DOCK1: variants seen among roughly 807,000 people sequenced by gnomAD.
DOCK1 encodes the protein dedicator of cytokinesis protein 1.
A neutral mutation model predicts 262.7 loss-of-function variants in DOCK1; 138 were observed. That is an observed-to-expected ratio of 0.53 (90% CI 0.46 to 0.61). The LOEUF is 0.61. DOCK1 is among the 20% of genes least tolerant of loss of function. The pLI is 0.00. For synonymous variants in DOCK1, 866 were observed against 867.4 expected (o/e 1.00, Z 0.03); for missense variants, 1,908 against 2,370.7 (o/e 0.80, Z 4.05).
intron 25 of DOCK1, among the ~76,000 whole-genome samples, chr10:127,114,928 T>C (rs2049088572): frequency 6.6e-6 from 1 of 152,120 alleles, no homozygotes; most frequent in Non-Finnish European, 1.5e-5. Context: ...AGCTAATTTT[T>C]GTATTTTCAG....
At chr10:127,319,432 G>T (rs185757087) in intron 29 of DOCK1, among the ~76,000 whole-genome samples, 1 of 152,082 alleles carries the variant, frequency 6.6e-6, no homozygotes, top group Non-Finnish European at 1.5e-5. Context: ...TGTGTTCGGC[G>T]GGCGGGAGCT....
intron 27 of DOCK1, among the ~76,000 whole-genome samples, chr10:127,184,250 T>G (rs908896024): frequency 1.3e-5 from 2 of 152,158 alleles, no homozygotes; most frequent in Non-Finnish European, 2.9e-5. Flanking sequence ...ACTTAGTAGA[T>G]TCTGTCAGTA....
At chr10:127,358,651 T>C (rs1053492892) in intron 32 of DOCK1, among the ~76,000 whole-genome samples, 3 of 152,222 alleles carry the variant, frequency 2.0e-5, no homozygotes, top group Admixed American at 6.5e-5. Context: ...ATTCCCTTCA[T>C]GGGTGTTTTT....
chr10:127,112,805 G>A (rs1325264573), intron 25 of DOCK1, among the ~76,000 whole-genome samples: 1 of 152,298 alleles, frequency 6.6e-6, no homozygotes, highest in African/African-American at 2.4e-5. Flanking sequence ...CAGCTCAAAT[G>A]TACTTCTAAA....
At chr10:127,032,466 TCAA>T in intron 18 of DOCK1, 146 bp downstream of exon 18, 1 of 827,888 alleles carries the variant, frequency 1.2e-6, no homozygotes, top group Non-Finnish European at 1.8e-6. Flanking sequence ...TGATGATTTA[TCAA>T]TGCATAGAAG....
chr10:127,351,491 G>A (rs1367212916), intron 31 of DOCK1, among the ~76,000 whole-genome samples: 1 of 152,178 alleles, frequency 6.6e-6, no homozygotes, highest in Non-Finnish European at 1.5e-5. Context: ...CTGTCCTGGG[G>A]GTGCGTGCTG....
chr10:127,161,570 G>A (rs2053597264), intron 27 of DOCK1, among the ~76,000 whole-genome samples: 1 of 152,202 alleles, frequency 6.6e-6, no homozygotes, highest in Non-Finnish European at 1.5e-5. Context: ...AGGCTGTTTG[G>A]AGTACTGCCT....
intron 1 of DOCK1, among the ~76,000 whole-genome samples, chr10:126,909,549 G>C (rs1295795082): frequency 1.3e-5 from 2 of 152,174 alleles, no homozygotes; most frequent in East Asian, 3.9e-4. Flanking sequence ...TTCATTGAAG[G>C]TAGTGAACCC....
chr10:127,280,057 C>T (rs1231937106), intron 29 of DOCK1, among the ~76,000 whole-genome samples: 14 of 108,414 alleles, frequency 1.3e-4, no homozygotes, highest in African/African-American at 4.0e-4. Flanking sequence ...TTTTTTGAGA[C>T]GGAGTCTCGC....
intron 29 of DOCK1, among the ~76,000 whole-genome samples, chr10:127,319,635 G>A (rs963848134): frequency 4.6e-5 from 7 of 152,280 alleles, no homozygotes; most frequent in South Asian, 2.1e-4. Flanking sequence ...TGGTGAATAC[G>A]ATTTACTAGA....
chr10:127,245,744 A>G (rs2059412553), intron 27 of DOCK1, among the ~76,000 whole-genome samples: 9 of 152,184 alleles, frequency 5.9e-5, no homozygotes, highest in Admixed American at 5.9e-4. Context: ...CTCTGTGCTC[A>G]TACCCTCAGC....
chr10:127,362,723 G>A (rs1412625363), intron 33 of DOCK1, among the ~76,000 whole-genome samples: 1 of 152,100 alleles, frequency 6.6e-6, no homozygotes, highest in Admixed American at 6.5e-5. Flanking sequence ...ACAGCATGAG[G>A]GACAAACTCT....
At chr10:126,917,291 G>A (rs2032613715) in intron 1 of DOCK1, among the ~76,000 whole-genome samples, 4 of 152,218 alleles carry the variant, frequency 2.6e-5, no homozygotes, top group Non-Finnish European at 5.9e-5. Flanking sequence ...TTGGGTTTGG[G>A]AACTTTGTGG....
chr10:127,147,003 C>T (rs2051929243), intron 27 of DOCK1, among the ~76,000 whole-genome samples: 1 of 152,208 alleles, frequency 6.6e-6, no homozygotes, highest in Non-Finnish European at 1.5e-5. Context: ...ATCTAGAACT[C>T]TTTGCACCCT....
Position 127,270,314 on chromosome 10 carries a change from G to C in DOCK1, c.3044+12885G>C, listed in dbSNP as rs7077088. Among the ~76,000 whole-genome samples the C allele has an allele frequency of 2.0e-5, 3 of 152,318 alleles. No individual in the cohort carries two copies. In the South Asian group the frequency reaches 6.2e-4, roughly 32 times the overall value. ...CACCCCCATCAAGGTGTAACTCAGCGAGAATTCCTTACTGTGCAGAGCCCT... is the reference window on the plus strand; with the variant it reads ...CACCCCCATCAAGGTGTAACTCAGCCAGAATTCCTTACTGTGCAGAGCCCT... On this transcript the variant is annotated intron_variant, in intron 29 of 51. Coordinates refer to ENST00000623213, the MANE Select transcript of DOCK1 (RefSeq NM_001290223.2).
Position 127,264,861 on chromosome 10 carries a change from G to A in DOCK1, c.3044+7432G>A, listed in dbSNP as rs116215787. ...GGGTTTATTTTCTTGGAGAGATGGGGTTTCGCCATATGGCGCAGGCTGGTC... is the reference window on the plus strand; with the variant it reads ...GGGTTTATTTTCTTGGAGAGATGGGATTTCGCCATATGGCGCAGGCTGGTC... On this transcript the variant is annotated intron_variant, in intron 29 of 51. Coordinates refer to ENST00000623213, the MANE Select transcript of DOCK1 (RefSeq NM_001290223.2). 6.0e-3 allele frequency among the ~76,000 whole-genome samples: 916 copies of A among 152,242 alleles called. 9 individuals carry two copies. Among genetic ancestry groups the A allele is most frequent in the African/African-American group, 0.021 (879 of 41,544 alleles).
chr10:127,385,988 T>C (rs7089942), intron 38 of DOCK1, among the ~76,000 whole-genome samples: 114,729 of 152,006 alleles, frequency 0.75, 43,490 homozygotes, highest in African/African-American at 0.84. Context: ...TTCAGAAATA[T>C]CAGGGGTTAG....
At chr10:126,991,190 T>TG (rs1448199024) in intron 6 of DOCK1, among the ~76,000 whole-genome samples, 3 of 152,194 alleles carry the variant, frequency 2.0e-5, no homozygotes, top group Non-Finnish European at 2.9e-5. Flanking sequence ...CAGCTCTGCA[T>TG]GAGTGCCTTT....
chr10:127,154,681 T>C (rs1025156379), intron 27 of DOCK1, among the ~76,000 whole-genome samples: 12 of 152,248 alleles, frequency 7.9e-5, no homozygotes, highest in Admixed American at 3.9e-4. Flanking sequence ...TCCCTGGCTT[T>C]ATTCTCTGGT....
Sources: gnomAD v4.1 joint callset for allele counts (sites outside exome capture counted in the v4.1 genomes callset) on GRCh38, gnomAD v4.1.1 for gene constraint, MANE v1.5 for transcripts, NCBI Gene and HGNC (gene_info 2026-07-23, HGNC 2026-07-21) for gene names.